The following HS3ST5 variants were observed in gnomAD, a reference collection of about 807,000 sequenced individuals.
The protein encoded by HS3ST5 is heparan sulfate glucosamine 3-O-sulfotransferase 5.
HS3ST5 carries 10 observed loss-of-function variants against 25.4 expected under a neutral mutation model. The ratio of observed to expected loss-of-function variants is 0.39; its 90% CI spans 0.24 to 0.67. HS3ST5 has a LOEUF of 0.67. Ranked by LOEUF, HS3ST5 falls within the 30% of genes least tolerant of loss-of-function variation. HS3ST5 has a pLI of 0.44. For synonymous variants in HS3ST5, 170 were observed against 162.4 expected (o/e 1.05, Z -0.36); for missense variants, 324 against 420.7 (o/e 0.77, Z 2.01).
intron 3 of HS3ST5, chr6:114,132,037 GT>G (rs1157300395): frequency 6.6e-6 from 1 of 152,040 alleles, no homozygotes; most frequent in Admixed American, 6.6e-5. Context: ...ATTTTAATTT[GT>G]TTTTTGCATA....
intron 1 of HS3ST5, among the ~76,000 whole-genome samples, chr6:114,262,172 T>C (rs1773202696): frequency 6.6e-6 from 1 of 152,248 alleles, no homozygotes; most frequent in Non-Finnish European, 1.5e-5. Flanking sequence ...ATTGAATCTA[T>C]GAATTGAACT....
At chr6:114,243,043 G>A (rs988450071) in intron 1 of HS3ST5, among the ~76,000 whole-genome samples, 1 of 152,096 alleles carries the variant, frequency 6.6e-6, no homozygotes, top group Non-Finnish European at 1.5e-5. Flanking sequence ...TGGGTTAACT[G>A]GCTTATCCAA....
At chr6:114,234,398 T>C (rs1206430128) in intron 1 of HS3ST5, among the ~76,000 whole-genome samples, 8 of 151,592 alleles carry the variant, frequency 5.3e-5, no homozygotes. Context: ...CATAGTTCTC[T>C]TAAAAATCTG....
intron 1 of HS3ST5, among the ~76,000 whole-genome samples, chr6:114,292,325 G>A (rs538514320): frequency 2.0e-5 from 3 of 152,232 alleles, no homozygotes; most frequent in South Asian, 2.1e-4. Flanking sequence ...GCGTTCTCAC[G>A]TGGCAGAAGG....
chr6:114,262,429 C>A (rs1168716337), intron 1 of HS3ST5, among the ~76,000 whole-genome samples: 1 of 151,996 alleles, frequency 6.6e-6, no homozygotes, highest in African/African-American at 2.4e-5. Context: ...CACCTGTAGT[C>A]CCAGCTACTT....
chr6:114,071,557 T>G (rs1773828551), intron 3 of HS3ST5, among the ~76,000 whole-genome samples: 1 of 152,224 alleles, frequency 6.6e-6, no homozygotes, highest in African/African-American at 2.4e-5. Context: ...TGTTGTGCAT[T>G]ATTGAGTTAT....
rs568186175 is a variant in HS3ST5 at position 114,103,249 on chromosome 6, G to A, written c.-32-40372C>T. Among the ~76,000 whole-genome samples, 6 of 152,218 alleles carry A rather than the reference G, an allele frequency of 3.9e-5. No individual in the cohort carries two copies. In the South Asian group the frequency reaches 1.2e-3, roughly 32 times the overall value. On this transcript the variant is annotated intron_variant, in intron 3 of 4. Coordinates refer to ENST00000312719, the MANE Select transcript of HS3ST5 (RefSeq NM_153612.4). ...TTAAATTATTGGGAGGCTGAGGCAG[G>A]AAGATCGTTTGAGCTCAGGAATTAG...
At chr6:114,255,579 C>G (rs185600723) in intron 1 of HS3ST5, among the ~76,000 whole-genome samples, 23 of 152,294 alleles carry the variant, frequency 1.5e-4, no homozygotes, top group Non-Finnish European at 2.6e-4. Flanking sequence ...GTGAGGCCCA[C>G]CCCCTACCTG....
At chr6:114,262,549 A>C (rs1773224742) in intron 1 of HS3ST5, among the ~76,000 whole-genome samples, 1 of 150,266 alleles carries the variant, frequency 6.7e-6, no homozygotes, top group African/African-American at 2.4e-5. Context: ...TCTGTCTCAA[A>C]AGAAAAAAAA....
chr6:114,287,314 A>G (rs955750216), intron 1 of HS3ST5, among the ~76,000 whole-genome samples: 18 of 151,924 alleles, frequency 1.2e-4, no homozygotes, highest in African/African-American at 4.4e-4. Flanking sequence ...TCCATTTCGC[A>G]AATGAGGAAA....
chr6:114,293,027 G>C (rs1774650614), intron 1 of HS3ST5, among the ~76,000 whole-genome samples: 1 of 151,850 alleles, frequency 6.6e-6, no homozygotes, highest in African/African-American at 2.4e-5. Context: ...GTACATTAAT[G>C]ATCATAATAC....
intron 1 of HS3ST5, among the ~76,000 whole-genome samples, chr6:114,270,470 G>A (rs146326222): frequency 6.6e-6 from 1 of 152,262 alleles, no homozygotes; most frequent in African/African-American, 2.4e-5. Context: ...GGTACAAATT[G>A]ATGCATGCTC....
chr6:114,336,796 AT>A (rs1460167168), intron 1 of HS3ST5, among the ~76,000 whole-genome samples: 2 of 152,018 alleles, frequency 1.3e-5, no homozygotes, highest in East Asian at 3.9e-4. Context: ...AATTATTGTG[AT>A]TTTTTTCATT....
At chr6:114,268,052 A>G (rs1773484144) in intron 1 of HS3ST5, among the ~76,000 whole-genome samples, 1 of 152,192 alleles carries the variant, frequency 6.6e-6, no homozygotes, top group African/African-American at 2.4e-5. Context: ...CTGCCAAACA[A>G]CCATGAATGC....
chr6:114,096,953 T>C (rs1775461307), intron 3 of HS3ST5, among the ~76,000 whole-genome samples: 1 of 152,088 alleles, frequency 6.6e-6, no homozygotes, highest in Non-Finnish European at 1.5e-5. Flanking sequence ...TGGTAAATAA[T>C]TTAGAAATGC....
intron 3 of HS3ST5, among the ~76,000 whole-genome samples, chr6:114,154,136 G>A (rs1474542123): frequency 6.6e-6 from 1 of 152,182 alleles, no homozygotes; most frequent in Non-Finnish European, 1.5e-5. Context: ...GAGGTAAGAA[G>A]GGAAAGGAGA....
At chr6:114,252,101 C>T (rs966774796) in intron 1 of HS3ST5, among the ~76,000 whole-genome samples, 2 of 152,058 alleles carry the variant, frequency 1.3e-5, no homozygotes, top group Admixed American at 6.6e-5. Flanking sequence ...CACTTAACTA[C>T]TCCAGGTCTT....
chr6:114,191,379 A>G (rs973365132), intron 2 of HS3ST5, among the ~76,000 whole-genome samples: 16 of 152,216 alleles, frequency 1.1e-4, no homozygotes, highest in Non-Finnish European at 2.9e-5. Context: ...CAGCTTGAAG[A>G]AAAAACACAT....
At chr6:114,266,733 A>G (rs1773419363) in intron 1 of HS3ST5, among the ~76,000 whole-genome samples, 1 of 152,184 alleles carries the variant, frequency 6.6e-6, no homozygotes, top group Non-Finnish European at 1.5e-5. Context: ...TGCAAATAAT[A>G]TGTTTGCTCT....
Sources: allele counts gnomAD v4.1 joint callset (sites outside exome capture counted in the v4.1 genomes callset), GRCh38; gene constraint gnomAD v4.1.1; transcripts MANE v1.5; gene names NCBI Gene and HGNC (gene_info 2026-07-23, HGNC 2026-07-21).